The following EFCAB6 variants were observed in gnomAD, a reference collection of about 807,000 sequenced individuals.
The protein encoded by EFCAB6 is EF-hand calcium binding domain 6.
In EFCAB6, 156 loss-of-function variants were observed where a neutral mutation model predicts 169.8. That is an observed-to-expected ratio of 0.92 (90% CI 0.81 to 1.05). EFCAB6 has a LOEUF of 1.05. Among genes scored for constraint, EFCAB6 ranks in the 50% least tolerant of loss-of-function variants. EFCAB6 has a pLI of 0.00. For missense variants in EFCAB6, 1,800 were observed against 1,829.1 expected (o/e 0.98, Z 0.29); for synonymous variants, 698 against 676.4 (o/e 1.03, Z -0.50).
At chr22:43,796,907 G>A (rs62226108) in intron 2 of EFCAB6, among the ~76,000 whole-genome samples, 17,151 of 152,216 alleles carry the variant, frequency 0.11, 1,208 homozygotes, top group Middle Eastern at 0.2. Context: ...TCGCAGTGAC[G>A]TGGATGGAAT....
chr22:43,542,495 G>A (rs371179177), intron 27 of EFCAB6, among the ~76,000 whole-genome samples: 287 of 152,288 alleles, frequency 1.9e-3, no homozygotes, highest in African/African-American at 6.5e-3. Context: ...CGAGAGAATC[G>A]CTTGAACCTG....
intron 24 of EFCAB6, among the ~76,000 whole-genome samples, chr22:43,582,087 G>A (rs1278404880): frequency 3.3e-5 from 5 of 152,070 alleles, no homozygotes; most frequent in South Asian, 2.1e-4. Flanking sequence ...TTGATCACCC[G>A]CATTGAAAGG....
At chr22:43,614,319 A>G (rs1461730695) in intron 21 of EFCAB6, among the ~76,000 whole-genome samples, 1 of 152,196 alleles carries the variant, frequency 6.6e-6, no homozygotes, top group Non-Finnish European at 1.5e-5. Context: ...AGAGTCCAGA[A>G]ACAGACCCAC....
At chr22:43,621,609 CAA>C (rs1602668915) in intron 20 of EFCAB6, among the ~76,000 whole-genome samples, 1 of 151,656 alleles carries the variant, frequency 6.6e-6, no homozygotes, top group African/African-American at 2.4e-5. Context: ...AAAAATGACT[CAA>C]ATAAAAACTA....
intron 20 of EFCAB6, among the ~76,000 whole-genome samples, chr22:43,622,360 T>A (rs544641371): frequency 6.6e-6 from 1 of 152,028 alleles, no homozygotes; most frequent in Non-Finnish European, 1.5e-5. Flanking sequence ...AGGTCAGGAG[T>A]TCGATACCAG....
At chr22:43,702,363 G>T (rs1226022158) in intron 10 of EFCAB6, among the ~76,000 whole-genome samples, 1 of 152,162 alleles carries the variant, frequency 6.6e-6, no homozygotes, top group African/African-American at 2.4e-5. Context: ...TCACAGACAG[G>T]AACACCTTGG....
chr22:43,627,793 C>T (rs971957718), intron 19 of EFCAB6, among the ~76,000 whole-genome samples: 2 of 152,224 alleles, frequency 1.3e-5, no homozygotes, highest in African/African-American at 2.4e-5. Context: ...GGATATCAAG[C>T]AAGACCTGCT....
At chr22:43,624,904 G>C (rs940397259) in intron 20 of EFCAB6, among the ~76,000 whole-genome samples, 7 of 152,140 alleles carry the variant, frequency 4.6e-5, no homozygotes, top group African/African-American at 1.7e-4. Flanking sequence ...TGTTCGTTCG[G>C]CAGAGAATGG....
chr22:43,806,574 G>A (rs35770261), intron 2 of EFCAB6, among the ~76,000 whole-genome samples: 7,106 of 152,178 alleles, frequency 0.047, 228 homozygotes, highest in Non-Finnish European at 0.072. Flanking sequence ...TTGTGGGGTA[G>A]AAGGTCATTC....
At chr22:43,584,490 CT>C (rs898296700) in intron 24 of EFCAB6, among the ~76,000 whole-genome samples, 5 of 152,180 alleles carry the variant, frequency 3.3e-5, no homozygotes, top group Admixed American at 2.0e-4. Context: ...TCACTAGCTT[CT>C]CACAGTGAAG....
chr22:43,681,790 T>C (rs545533198), intron 12 of EFCAB6, among the ~76,000 whole-genome samples: 1 of 152,280 alleles, frequency 6.6e-6, no homozygotes, highest in East Asian at 1.9e-4. Flanking sequence ...AACTAAATCA[T>C]GTCAGCTACA....
At chr22:43,704,953 T>C (rs1213762845) in intron 10 of EFCAB6, among the ~76,000 whole-genome samples, 3 of 151,942 alleles carry the variant, frequency 2.0e-5, no homozygotes, top group Admixed American at 6.6e-5. Flanking sequence ...AAAAAAGACA[T>C]AGAGTGACCA....
chr22:43,632,058 A>G, intron 19 of EFCAB6, 47 bp downstream of exon 19: 2 of 1,602,832 alleles, frequency 1.2e-6, no homozygotes, highest in Non-Finnish European at 1.7e-6. Context: ...CGTGGTTGGG[A>G]GCAGGGGAGG....
At chr22:43,570,907 C>T (rs1421988071) in intron 26 of EFCAB6, among the ~76,000 whole-genome samples, 1 of 152,230 alleles carries the variant, frequency 6.6e-6, no homozygotes, top group African/African-American at 2.4e-5. Context: ...TGGACTCCCC[C>T]ACCATGGAGC....
At chr22:43,765,513 G>A (rs895429221) in intron 4 of EFCAB6, 120 bp from the exon 5 acceptor site, 12 of 669,092 alleles carry the variant, frequency 1.8e-5, no homozygotes, top group Admixed American at 1.1e-4. Flanking sequence ...TTAACAGGAC[G>A]AGCATTCCAT....
intron 17 of EFCAB6, among the ~76,000 whole-genome samples, chr22:43,640,294 A>G (rs1048538405): frequency 3.3e-5 from 5 of 152,178 alleles, no homozygotes; most frequent in Non-Finnish European, 7.3e-5. Flanking sequence ...AAATCTTTAT[A>G]TCTATGTATT....
At chr22:43,811,082 C>G (rs1051139711) in intron 1 of EFCAB6, among the ~76,000 whole-genome samples, 1 of 151,956 alleles carries the variant, frequency 6.6e-6, no homozygotes, top group African/African-American at 2.4e-5. Flanking sequence ...GAGTTTGAAA[C>G]CAACCTGGCC....
intron 10 of EFCAB6, among the ~76,000 whole-genome samples, chr22:43,709,110 C>T (rs1351839028): frequency 1.3e-5 from 2 of 152,108 alleles, no homozygotes; most frequent in African/African-American, 4.8e-5. Flanking sequence ...GGGACAGAGT[C>T]GTGCTCTGTT....
chr22:43,571,271 C>G (rs1056009508), intron 26 of EFCAB6, among the ~76,000 whole-genome samples: 4 of 152,204 alleles, frequency 2.6e-5, no homozygotes, highest in African/African-American at 9.7e-5. Flanking sequence ...AATGTCTTAA[C>G]TACAATTCCA....
Sources: gnomAD v4.1 joint callset for allele counts (sites outside exome capture counted in the v4.1 genomes callset) on GRCh38, gnomAD v4.1.1 for gene constraint, MANE v1.5 for transcripts, NCBI Gene and HGNC (gene_info 2026-07-23, HGNC 2026-07-21) for gene names.